NAPG: variants seen among roughly 807,000 people sequenced by gnomAD.
The protein encoded by NAPG is NSF attachment protein gamma, also known as gamma-soluble NSF attachment protein.
Under a neutral mutation model 48.4 loss-of-function variants are expected in NAPG, and 25 were observed. That is an observed-to-expected ratio of 0.52 (90% CI 0.38 to 0.72). The LOEUF (loss-of-function observed/expected upper bound fraction) is 0.72. Ranked by LOEUF, NAPG falls within the 30% of genes least tolerant of loss-of-function variation. The pLI, the probability that NAPG is intolerant of heterozygous loss-of-function variation, is 0.00. For missense variants in NAPG, 359 were observed against 372.5 expected (o/e 0.96, Z 0.30); for synonymous variants, 139 against 127.2 (o/e 1.09, Z -0.62).
intron 7 of NAPG, 33 bp from the exon 8 acceptor site, chr18:10,540,296 C>T (rs2032125194): frequency 6.4e-7 from 1 of 1,572,144 alleles, no homozygotes; most frequent in Non-Finnish European, 8.7e-7. Context: ...AACATTAAAG[C>T]AGCCAACACT....
chr18:10,527,302 T>TA (rs1181401723), intron 1 of NAPG, among the ~76,000 whole-genome samples: 1 of 152,160 alleles, frequency 6.6e-6, no homozygotes, highest in African/African-American at 2.4e-5. Flanking sequence ...ATAGAGATTC[T>TA]AATTTTTCGT....
At chr18:10,533,229 A>G (rs994195373) in intron 3 of NAPG, 9 of 300,388 alleles carry the variant, frequency 3.0e-5, no homozygotes, top group Non-Finnish European at 5.4e-5. Flanking sequence ...AAACTTATCA[A>G]TAAAAAATGT....
At chr18:10,540,490 T>A in intron 8 of NAPG, 91 bp downstream of exon 8, 1 of 1,083,200 alleles carries the variant, frequency 9.2e-7, no homozygotes, top group East Asian at 2.4e-5. Context: ...GCTTGTTAAT[T>A]TTTTGGTATA....
chr18:10,542,337 T>C lies in NAPG; in HGVS notation c.506+1938T>C, dbSNP rs945914882. 6.6e-6 allele frequency among the ~76,000 whole-genome samples: 1 copy of C among 152,152 alleles called. No homozygotes were observed. Among genetic ancestry groups the C allele is most frequent in the African/African-American group, 2.4e-5 (1 of 41,440 alleles). ...TTGAAGTGTATTAACAATATAAAAA[T>C]TAATTTAAATTTGTGCAGGAACATG... On this transcript the variant is annotated intron_variant, in intron 8 of 11. Transcript: ENST00000322897. The surrounding 1 kb of genome is among the most constrained non-coding windows in gnomAD (Gnocchi z 4.5).
intron 3 of NAPG, 102 bp from the exon 4 acceptor site, chr18:10,533,434 A>C: frequency 9.9e-7 from 1 of 1,007,892 alleles, no homozygotes; most frequent in East Asian, 2.6e-5. Flanking sequence ...TTTGGAACCA[A>C]CTGGGTCAGT....
chr18:10,529,004 C>T (rs1319189967), intron 1 of NAPG, among the ~76,000 whole-genome samples: 5 of 152,116 alleles, frequency 3.3e-5, no homozygotes, highest in African/African-American at 4.8e-5. Flanking sequence ...TGGTCAGTTT[C>T]CTTATTGATT....
In NAPG at chr18:10,550,785, A is replaced by T. The variant is rs1286595144; in HGVS notation, c.*565A>T. On this transcript the variant is annotated 3_prime_UTR_variant, in exon 12 of 12. Transcript: ENST00000322897. ...ACAATATTATTTAGCCCAATAAAAG[A>T]TGCATTGAAGCTCTTATATATTATG... is the stretch of plus-strand genomic sequence containing the variant. 6.6e-6 allele frequency: 1 copy of T among 152,296 alleles called. No individual in the cohort carries two copies. The highest frequency in any genetic ancestry group is 2.1e-4 in the South Asian group (1 of 4,840). 9.4% of individuals were successfully genotyped at this position (152,296 alleles called of 1,614,324 possible).
intron 3 of NAPG, 90 bp downstream of exon 3, chr18:10,532,885 T>A: frequency 9.5e-7 from 1 of 1,051,548 alleles, no homozygotes; most frequent in Non-Finnish European, 1.4e-6. Context: ...TTACTACCTG[T>A]GAAGTAAAAT....
intron 3 of NAPG, 32 bp downstream of exon 3, chr18:10,532,827 A>G (rs1319288716): frequency 1.3e-6 from 2 of 1,490,664 alleles, no homozygotes; most frequent in South Asian, 1.3e-5. Context: ...AAGAAATTAA[A>G]CAATTAGATG....
At chr18:10,533,474 T>G (rs1436618713) in intron 3 of NAPG, 62 bp from the exon 4 acceptor site, 1 of 1,437,616 alleles carries the variant, frequency 7.0e-7, no homozygotes, top group Non-Finnish European at 9.5e-7. Flanking sequence ...AAATAGTTGA[T>G]CTATAGAAAC....
intron 5 of NAPG, among the ~76,000 whole-genome samples, chr18:10,536,899 G>A (rs989238581): frequency 6.6e-6 from 1 of 151,638 alleles, no homozygotes; most frequent in Non-Finnish European, 1.5e-5. Flanking sequence ...CCAACCCCTT[G>A]TGCAGTTGAA....
chr18:10,527,596 T>A (rs531382229), intron 1 of NAPG, among the ~76,000 whole-genome samples: 20 of 152,346 alleles, frequency 1.3e-4, no homozygotes, highest in African/African-American at 4.8e-4. Flanking sequence ...GGGAGAAGTT[T>A]ATTCTGCCTG....
intron 2 of NAPG, among the ~76,000 whole-genome samples, chr18:10,532,360 G>T (rs977672204): frequency 6.6e-6 from 1 of 152,176 alleles, no homozygotes; most frequent in African/African-American, 2.4e-5. Flanking sequence ...GGTAAAACTG[G>T]TGAAGTAAGG....
At chr18:10,541,780 T>C (rs2032163294) in intron 8 of NAPG, among the ~76,000 whole-genome samples, 1 of 152,206 alleles carries the variant, frequency 6.6e-6, no homozygotes, top group African/African-American at 2.4e-5. Context: ...GGGCAGAAGT[T>C]AAGGACAGCC....
chr18:10,539,508 G>T lies in NAPG; in HGVS notation c.259-254G>T, dbSNP rs2032102605. ...AGGGGAACATCACACTCCTGGGCCTGTCGGGGGCTGGGGAATAAGGGGAGG... is the reference window on the plus strand; with the variant it reads ...AGGGGAACATCACACTCCTGGGCCTTTCGGGGGCTGGGGAATAAGGGGAGG... On this transcript the variant is annotated intron_variant, in intron 5 of 11. Coordinates refer to ENST00000322897, the MANE Select transcript of NAPG (RefSeq NM_003826.3). The surrounding 1 kb of genome is among the most constrained non-coding windows in gnomAD (Gnocchi z 4.7). 2.6e-6 allele frequency: 1 copy of T among 390,530 alleles called. No individual in the cohort carries two copies. Among genetic ancestry groups the T allele is most frequent in the African/African-American group, 2.0e-5 (1 of 48,892 alleles). 24.2% of individuals were successfully genotyped at this position (390,530 alleles called of 1,614,324 possible). A position where few individuals can be genotyped will look rare whatever the true frequency, so the allele number is the denominator to read the frequency against.
chr18:10,548,828 T>C lies in NAPG; in HGVS notation c.666-139T>C. 9.4e-7 allele frequency: 1 copy of C among 1,066,722 alleles called. No homozygotes were observed. The allele number at this position is 1,066,722 out of a possible 1,614,324, so 66.1% of individuals were successfully genotyped here. A position where few individuals can be genotyped will look rare whatever the true frequency, so the allele number is the denominator to read the frequency against. On this transcript the variant is annotated intron_variant, in intron 10 of 11. Coordinates refer to ENST00000322897, the MANE Select transcript of NAPG (RefSeq NM_003826.3). This position sits in a 1 kb window ranked among gnomAD's most constrained non-coding sequence, Gnocchi z 4.4. ...AGCGGGATCCCCGGTCTCTGCCCTC[T>C]AGATGCCACTAGCATTCCCACACTT...
At chr18:10,532,346 TAAAGGTA>T (rs2031944694) in intron 2 of NAPG, among the ~76,000 whole-genome samples, 1 of 152,190 alleles carries the variant, frequency 6.6e-6, no homozygotes, top group African/African-American at 2.4e-5. Flanking sequence ...AAATACCGTT[TAAAGGTA>T]AAACTGGTGA....
chr18:10,535,426 G>T (rs1162255097), intron 5 of NAPG, among the ~76,000 whole-genome samples: 1 of 152,188 alleles, frequency 6.6e-6, no homozygotes, highest in African/African-American at 2.4e-5. Context: ...TATGCATCAG[G>T]TTGTTTCTTG....
In NAPG at chr18:10,550,913, A is replaced by G. The variant is rs1036466506; in HGVS notation, c.*693A>G. On this transcript the variant is annotated 3_prime_UTR_variant, in exon 12 of 12. Transcript: ENST00000322897. ...TTCTATCTAAAAAATACATACAGTG[A>G]CTGTCTTCAAATCTACTTGGTTCTT... The G allele has an allele frequency of 2.4e-4, 37 of 152,170 alleles. No homozygotes were observed. Among genetic ancestry groups the G allele is most frequent in the African/African-American group, 8.7e-4 (36 of 41,528 alleles). 9.4% of individuals were successfully genotyped at this position (152,170 alleles called of 1,614,324 possible). A position where few individuals can be genotyped will look rare whatever the true frequency, so the allele number is the denominator to read the frequency against.
Sources: allele counts gnomAD v4.1 joint callset (sites outside exome capture counted in the v4.1 genomes callset), GRCh38; gene constraint gnomAD v4.1.1; non-coding constraint Gnocchi (gnomAD v3.1); transcripts MANE v1.5; gene names NCBI Gene and HGNC (gene_info 2026-07-23, HGNC 2026-07-21).